The following CSMD1 variants were observed in gnomAD, a reference collection of about 807,000 sequenced individuals.
The protein encoded by CSMD1 is CUB and sushi domain-containing protein 1.
A neutral mutation model predicts 417.5 loss-of-function variants in CSMD1; 213 were observed. That is an observed-to-expected ratio of 0.51 (90% CI 0.46 to 0.57). The LOEUF (loss-of-function observed/expected upper bound fraction) is 0.57, where lower values mean the gene tolerates loss of function less well. Ranked by LOEUF, CSMD1 falls within the 20% of genes least tolerant of loss-of-function variation. The pLI is 0.00. For missense variants in CSMD1, 6,923 were observed against 4,529.7 expected (o/e 1.53, Z -15.17); for synonymous variants, 2,862 against 1,736.8 (o/e 1.65, Z -16.11).
chr8:4,760,508 A>G (rs1160584613), intron 1 of CSMD1, among the ~76,000 whole-genome samples: 1 of 152,186 alleles, frequency 6.6e-6, no homozygotes, highest in Non-Finnish European at 1.5e-5. Flanking sequence ...TTTCCCAATC[A>G]ATAGAAAGCT....
At chr8:3,719,565 G>A (rs908237810) in intron 6 of CSMD1, among the ~76,000 whole-genome samples, 1 of 152,124 alleles carries the variant, frequency 6.6e-6, no homozygotes, top group African/African-American at 2.4e-5. Context: ...TGACATGTAA[G>A]AGCAATAATA....
At chr8:4,745,615 G>A (rs1199818563) in intron 1 of CSMD1, among the ~76,000 whole-genome samples, 5 of 152,034 alleles carry the variant, frequency 3.3e-5, no homozygotes, top group African/African-American at 4.8e-5. Flanking sequence ...AGAGGGAGAA[G>A]TAGAATGTAG....
intron 12 of CSMD1, among the ~76,000 whole-genome samples, chr8:3,436,056 C>T (rs886503568): frequency 1.3e-5 from 2 of 152,144 alleles, no homozygotes; most frequent in African/African-American, 4.8e-5. Context: ...CCAGCACTCC[C>T]TTCCAGAGAC....
At chr8:3,582,771 A>G (rs576087388) in intron 9 of CSMD1, among the ~76,000 whole-genome samples, 3 of 152,280 alleles carry the variant, frequency 2.0e-5, no homozygotes, top group East Asian at 3.9e-4. Flanking sequence ...ATTTGGGAGT[A>G]TTTGGGTTAA....
chr8:4,498,174 A>G (rs976239074), intron 2 of CSMD1, among the ~76,000 whole-genome samples: 1 of 152,144 alleles, frequency 6.6e-6, no homozygotes, highest in South Asian at 2.1e-4. Context: ...TTATCTTTCT[A>G]CTGTTAATGC....
chr8:3,755,571 C>A (rs1361158590), intron 5 of CSMD1, among the ~76,000 whole-genome samples: 1 of 151,890 alleles, frequency 6.6e-6, no homozygotes, highest in Admixed American at 6.6e-5. Context: ...AAGCTGAGGA[C>A]CTGATTTCTA....
rs1223410154 is a variant in CSMD1, at chr8:4,205,201, T to C, written c.416-173102A>G. ...GAAACATCTGATTTAAATAATAGCA[T>C]TGCACATTTCTCTTTGGTAGAACTC... is the stretch of plus-strand genomic sequence containing the variant. On this transcript the variant is annotated intron_variant, in intron 3 of 69. Transcript: ENST00000635120. Among the ~76,000 whole-genome samples the C allele has an allele frequency of 4.6e-5, 7 of 152,348 alleles. No homozygotes were observed. In the South Asian group the frequency reaches 1.0e-3, roughly 23 times the overall value.
At position 3,373,952 on chromosome 8, in the gene CSMD1, A is replaced by AT. The variant is rs34432095; in HGVS notation, c.2783-4583dup. 1.9e-3 allele frequency among the ~76,000 whole-genome samples: 236 copies of AT among 125,556 alleles called. 2 individuals carry two copies. The highest frequency in any genetic ancestry group is 6.2e-3 in the African/African-American group (216 of 35,006). The allele number at this position is 125,556 out of a possible 152,430, so 82.4% of individuals were successfully genotyped here. A position where few individuals can be genotyped will look rare whatever the true frequency, so the allele number is the denominator to read the frequency against. ...CTGAGTTGAAGTAAAGCATCCAACT[A>AT]TTTTTTTTTTTTTTTTTTGAGATGG... On this transcript the variant is annotated intron_variant, in intron 18 of 69. Transcript: ENST00000635120.
intron 37 of CSMD1, among the ~76,000 whole-genome samples, chr8:3,174,163 T>A (rs971720038): frequency 3.3e-5 from 5 of 152,158 alleles, no homozygotes; most frequent in African/African-American, 1.2e-4. Context: ...AGAAATTAAT[T>A]CAGTTAGTTA....
At chr8:4,259,991 A>C (rs115110847) in intron 3 of CSMD1, among the ~76,000 whole-genome samples, 1 of 151,334 alleles carries the variant, frequency 6.6e-6, no homozygotes, top group African/African-American at 2.4e-5. Flanking sequence ...ACAGACCTAT[A>C]AAGCACATCA....
At chr8:4,967,316 C>T (rs1809933931) in intron 1 of CSMD1, among the ~76,000 whole-genome samples, 1 of 152,076 alleles carries the variant, frequency 6.6e-6, no homozygotes, top group South Asian at 2.1e-4. Context: ...TTGTCCTTCT[C>T]TGAACAATTA....
rs34791623 is a variant in CSMD1 at position 4,510,390 on chromosome 8, T to TAA, written c.303-90327_303-90326dup. 7.0e-4 allele frequency among the ~76,000 whole-genome samples: 38 copies of TAA among 54,630 alleles called. 1 individual carries two copies. The highest frequency in any genetic ancestry group is 2.3e-3 in the African/African-American group (30 of 12,956). 35.8% of individuals were successfully genotyped at this position (54,630 alleles called of 152,430 possible). On this transcript the variant is annotated intron_variant, in intron 2 of 69. Transcript: ENST00000635120. Reference sequence around the variant, plus strand: ...GTAGACAATTAAAAAGCATAATGCCTAAAAAAAAAAAAAAAAAAAAAAAAA... The same window carrying TAA: ...GTAGACAATTAAAAAGCATAATGCCTAAAAAAAAAAAAAAAAAAAAAAAAAAA...
chr8:3,505,433 G>C (rs537171038), intron 10 of CSMD1, among the ~76,000 whole-genome samples: 1 of 152,218 alleles, frequency 6.6e-6, no homozygotes, highest in Admixed American at 6.5e-5. Context: ...TCAATAATTA[G>C]AAAAATAATG....
At chr8:4,943,016 T>C (rs1377314434) in intron 1 of CSMD1, among the ~76,000 whole-genome samples, 1 of 152,196 alleles carries the variant, frequency 6.6e-6, no homozygotes, top group Admixed American at 6.5e-5. Flanking sequence ...GTTGAGAGTA[T>C]GGCTTTCTTT....
intron 1 of CSMD1, among the ~76,000 whole-genome samples, chr8:4,883,107 A>G (rs1471342864): frequency 6.6e-6 from 1 of 152,126 alleles, no homozygotes; most frequent in Non-Finnish European, 1.5e-5. Flanking sequence ...ACAAGATTTT[A>G]TAGTAAGGTG....
intron 1 of CSMD1, among the ~76,000 whole-genome samples, chr8:4,915,274 T>C (rs1371273660): frequency 6.6e-6 from 1 of 152,160 alleles, no homozygotes; most frequent in Non-Finnish European, 1.5e-5. Context: ...CTCCAATTCA[T>C]AGGCATAACA....
At chr8:3,431,401 G>A (rs955179082) in intron 12 of CSMD1, among the ~76,000 whole-genome samples, 3 of 152,000 alleles carry the variant, frequency 2.0e-5, no homozygotes, top group South Asian at 2.1e-4. Context: ...TTAGTGTGCC[G>A]CTTTTGTATT....
At chr8:3,924,784 C>A (rs917083312) in intron 5 of CSMD1, among the ~76,000 whole-genome samples, 1 of 152,052 alleles carries the variant, frequency 6.6e-6, no homozygotes, top group Non-Finnish European at 1.5e-5. Flanking sequence ...CTCTTCAACT[C>A]TCTATTCGTG....
At chr8:4,390,015 A>G (rs745792661) in intron 3 of CSMD1, among the ~76,000 whole-genome samples, 1 of 152,224 alleles carries the variant, frequency 6.6e-6, no homozygotes, top group Non-Finnish European at 1.5e-5. Context: ...AGATATTACC[A>G]ATTTGCTTTT....
Sources: allele counts gnomAD v4.1 joint callset (sites outside exome capture counted in the v4.1 genomes callset), GRCh38; gene constraint gnomAD v4.1.1; transcripts MANE v1.5; gene names NCBI Gene and HGNC (gene_info 2026-07-23, HGNC 2026-07-21).